Variants in HS6ST2 observed in about 807,000 individuals in gnomAD.
HS6ST2 encodes heparan sulfate 6-O-sulfotransferase 2, also known as heparan-sulfate 6-O-sulfotransferase 2.
A neutral mutation model predicts 33.0 loss-of-function variants in HS6ST2; 17 were observed. That is an observed-to-expected ratio of 0.52 (90% confidence interval 0.35 to 0.77). The LOEUF (loss-of-function observed/expected upper bound fraction) is 0.77. Among genes scored for constraint, HS6ST2 ranks in the 30% least tolerant of loss-of-function variants. The probability of loss-of-function intolerance (pLI) is 0.01; values close to 1 mark genes in which losing one functional copy is unlikely to be tolerated. For synonymous variants in HS6ST2, 248 were observed against 237.1 expected (o/e 1.05, Z -0.42); for missense variants, 519 against 551.7 (o/e 0.94, Z 0.59).
At chrX:132,670,904 G>C (rs762551880) in intron 3 of HS6ST2, among the ~76,000 whole-genome samples, 17 of 112,534 alleles carry the variant, frequency 1.5e-4, no homozygotes, top group Non-Finnish European at 2.8e-4. Flanking sequence ...TCTGCTGCTG[G>C]AGTGGATGGC....
chrX:132,865,875 A>G (rs956374952), intron 2 of HS6ST2, among the ~76,000 whole-genome samples: 2 of 111,372 alleles, frequency 1.8e-5, no homozygotes, highest in African/African-American at 6.5e-5. Flanking sequence ...GATTCTGGAT[A>G]TTAGCCCTTT....
intron 2 of HS6ST2, among the ~76,000 whole-genome samples, chrX:132,723,465 T>C (rs2064357408): frequency 8.9e-6 from 1 of 112,157 alleles, no homozygotes; most frequent in Non-Finnish European, 1.9e-5. Context: ...ATTAAAAAGA[T>C]CATTCATCAT....
At chrX:132,789,829 G>C (rs1289010682) in intron 2 of HS6ST2, among the ~76,000 whole-genome samples, 1 of 111,592 alleles carries the variant, frequency 9.0e-6, no homozygotes, top group East Asian at 2.8e-4. Context: ...AACAGCAAGA[G>C]AACTAGAATT....
intron 2 of HS6ST2, among the ~76,000 whole-genome samples, chrX:132,889,411 T>C (rs757968540): frequency 1.4e-4 from 15 of 110,789 alleles, no homozygotes; most frequent in Non-Finnish European, 2.5e-4. Context: ...TGTGAATCCA[T>C]GGCAAGAGAA....
chrX:132,828,617 T>A (rs138242722), intron 2 of HS6ST2, among the ~76,000 whole-genome samples: 1,625 of 101,504 alleles, frequency 0.016, 22 homozygotes, highest in Non-Finnish European at 0.025. Flanking sequence ...AGACACCGAC[T>A]GGGCACTACA....
At chrX:132,853,875 T>C (rs2148410281) in intron 2 of HS6ST2, among the ~76,000 whole-genome samples, 1 of 110,043 alleles carries the variant, frequency 9.1e-6, no homozygotes, top group South Asian at 4.0e-4. Flanking sequence ...ATACAAAAAT[T>C]AGCTGGATCT....
rs755915453 is a variant in HS6ST2, at chrX:132,954,110, G to C, written c.947+2698C>G. Among the ~76,000 whole-genome samples the C allele has an allele frequency of 1.2e-4, 14 of 112,338 alleles. No individual in the cohort carries two copies. In the South Asian group the frequency reaches 5.3e-3, roughly 42 times the overall value. On this transcript the variant is annotated intron_variant, in intron 2 of 4. Transcript: ENST00000370833. Reference sequence around the variant, plus strand: ...ACTCTGGCCTCTTGCTGAAGATGGTGCAGGTTTACAGAGGAATACCAGAGA... The same window carrying C: ...ACTCTGGCCTCTTGCTGAAGATGGTCCAGGTTTACAGAGGAATACCAGAGA...
At chrX:132,902,838 A>G (rs751467876) in intron 2 of HS6ST2, among the ~76,000 whole-genome samples, 1 of 89,903 alleles carries the variant, frequency 1.1e-5, no homozygotes, top group South Asian at 6.6e-4. Context: ...AAAACCCACA[A>G]CTAACATCAG....
chrX:132,790,248 A>T (rs2065108401), intron 2 of HS6ST2, among the ~76,000 whole-genome samples: 1 of 112,259 alleles, frequency 8.9e-6, no homozygotes, highest in South Asian at 3.8e-4. Flanking sequence ...AACCATGCAC[A>T]TCGAGGCAAG....
intron 2 of HS6ST2, among the ~76,000 whole-genome samples, chrX:132,788,849 A>G (rs1185107339): frequency 8.8e-6 from 1 of 113,116 alleles, no homozygotes; most frequent in African/African-American, 3.2e-5. Flanking sequence ...CCAAAGCCTG[A>G]TCCAGAGCAA....
chrX:132,679,755 G>C (rs768178323), intron 3 of HS6ST2, among the ~76,000 whole-genome samples: 7 of 108,357 alleles, frequency 6.5e-5, no homozygotes, highest in Non-Finnish European at 9.6e-5. Flanking sequence ...CCACGCCTGG[G>C]GGGGGGCCAG....
At chrX:132,774,698 T>C (rs1218717786) in intron 2 of HS6ST2, among the ~76,000 whole-genome samples, 2 of 111,437 alleles carry the variant, frequency 1.8e-5, no homozygotes, top group Non-Finnish European at 3.8e-5. Flanking sequence ...TTTTCTTTTT[T>C]GATCTGGAGT....
intron 2 of HS6ST2, among the ~76,000 whole-genome samples, chrX:132,917,477 G>T (rs1438355137): frequency 9.0e-6 from 1 of 110,511 alleles, no homozygotes; most frequent in Non-Finnish European, 1.9e-5. Context: ...GTGTGTGCCT[G>T]TAGTCCCAGC....
chrX:132,803,058 C>A (rs753424170), intron 2 of HS6ST2, among the ~76,000 whole-genome samples: 2 of 111,466 alleles, frequency 1.8e-5, no homozygotes, highest in South Asian at 7.6e-4. Context: ...GAAGTCAAGA[C>A]AGGCCCAAGG....
intron 2 of HS6ST2, among the ~76,000 whole-genome samples, chrX:132,884,959 A>G (rs970038110): frequency 5.4e-5 from 6 of 112,018 alleles, no homozygotes; most frequent in Middle Eastern, 4.2e-3. Context: ...GTAAGTAACA[A>G]CATTATTATA....
At chrX:132,856,697 A>G (rs1328553916) in intron 2 of HS6ST2, among the ~76,000 whole-genome samples, 4 of 111,852 alleles carry the variant, frequency 3.6e-5, no homozygotes, top group Non-Finnish European at 5.6e-5. Flanking sequence ...CCGGGGAAAA[A>G]AAAGAAAGAT....
chrX:132,787,853 T>G (rs1463081020), intron 2 of HS6ST2, among the ~76,000 whole-genome samples: 2 of 107,386 alleles, frequency 1.9e-5, no homozygotes, highest in African/African-American at 6.8e-5. Context: ...TTCAAGCCAC[T>G]GCACTCCAGC....
intron 2 of HS6ST2, among the ~76,000 whole-genome samples, chrX:132,880,831 A>T (rs1345864969): frequency 2.0e-5 from 2 of 99,570 alleles, no homozygotes; most frequent in Admixed American, 1.3e-4. Context: ...CCTGTGTCCA[A>T]GTGTACTCAT....
At chrX:132,853,825 C>G (rs766948717) in intron 2 of HS6ST2, among the ~76,000 whole-genome samples, 5 of 110,907 alleles carry the variant, frequency 4.5e-5, no homozygotes, top group Non-Finnish European at 9.4e-5. Flanking sequence ...GAGATTGAGA[C>G]CAGCCTGGGC....
Sources: gnomAD v4.1 joint callset for allele counts (sites outside exome capture counted in the v4.1 genomes callset) on GRCh38, gnomAD v4.1.1 for gene constraint, MANE v1.5 for transcripts, NCBI Gene and HGNC (gene_info 2026-07-23, HGNC 2026-07-21) for gene names.